Variants in WWOX observed in about 807,000 individuals in gnomAD.
The protein encoded by WWOX is WW domain-containing oxidoreductase.
WWOX carries 69 observed loss-of-function variants against 46.2 expected under a neutral mutation model. That is an observed-to-expected ratio of 1.49 (90% CI 1.23 to 1.82). WWOX has a LOEUF of 1.82. Ranked by LOEUF, WWOX falls within the 40% of genes most tolerant of loss-of-function variation. The pLI, the probability that WWOX is intolerant of heterozygous loss-of-function variation, is 0.00. For synonymous variants in WWOX, 359 were observed against 202.6 expected (o/e 1.77, Z -6.56); for missense variants, 919 against 542.6 (o/e 1.69, Z -6.89).
At chr16:78,490,393 G>A (rs943950860) in intron 8 of WWOX, among the ~76,000 whole-genome samples, 2 of 152,184 alleles carry the variant, frequency 1.3e-5, no homozygotes, top group African/African-American at 4.8e-5. Context: ...TGTTTATGCA[G>A]TTACCTTTGT....
At chr16:78,141,993 C>CTT (rs34178361) in intron 4 of WWOX, among the ~76,000 whole-genome samples, 3 of 145,940 alleles carry the variant, frequency 2.1e-5, no homozygotes, top group Non-Finnish European at 4.5e-5. Flanking sequence ...TTTTAAATTT[C>CTT]TTTTTTTTTT....
At chr16:79,131,929 C>G (rs1486044080) in intron 8 of WWOX, among the ~76,000 whole-genome samples, 1 of 152,046 alleles carries the variant, frequency 6.6e-6, no homozygotes, top group Non-Finnish European at 1.5e-5. Flanking sequence ...TCAGGGAAAC[C>G]CCTGTTTTTA....
chr16:78,997,795 C>T (rs1412009880), intron 8 of WWOX, among the ~76,000 whole-genome samples: 2 of 152,094 alleles, frequency 1.3e-5, no homozygotes. Flanking sequence ...GGATGGGGAC[C>T]GGAATAGATT....
chr16:78,753,413 G>C (rs117513730), intron 8 of WWOX, among the ~76,000 whole-genome samples: 1 of 152,092 alleles, frequency 6.6e-6, no homozygotes, highest in Non-Finnish European at 1.5e-5. Flanking sequence ...ATTGGGGTTG[G>C]GAGGACCAGT....
chr16:78,464,870 C>T (rs2084037069), intron 8 of WWOX, among the ~76,000 whole-genome samples: 1 of 152,290 alleles, frequency 6.6e-6, no homozygotes, highest in Admixed American at 6.5e-5. Flanking sequence ...CATTCCCATA[C>T]TTCTGTGAAG....
At chr16:78,545,429 G>T (rs192090730) in intron 8 of WWOX, among the ~76,000 whole-genome samples, 41 of 152,206 alleles carry the variant, frequency 2.7e-4, no homozygotes, top group Admixed American at 2.6e-4. Flanking sequence ...TGTTGCCCAG[G>T]TTGGCCTCAA....
intron 8 of WWOX, among the ~76,000 whole-genome samples, chr16:79,128,379 C>CAA (rs1186365326): frequency 6.7e-6 from 1 of 148,624 alleles, no homozygotes; most frequent in Non-Finnish European, 1.5e-5. Flanking sequence ...AAACAAAAAA[C>CAA]AAAAAACAAA....
intron 5 of WWOX, among the ~76,000 whole-genome samples, chr16:78,180,510 C>T (rs540718405): frequency 6.6e-6 from 1 of 151,756 alleles, no homozygotes; most frequent in Non-Finnish European, 1.5e-5. Flanking sequence ...TGGGCAAATC[C>T]AGCTGCACAG....
At chr16:79,205,185 G>A (rs1031876176) in intron 8 of WWOX, 3 of 152,256 alleles carry the variant, frequency 2.0e-5, no homozygotes, top group African/African-American at 7.2e-5. Context: ...TTTCTCTCAA[G>A]GTGTCCCTTG....
In WWOX at chr16:78,710,474, A is replaced by ATATATATATATATATATATATATATT. The variant is rs1567507505; in HGVS notation, c.1056+277729_1056+277754dup. On this transcript the variant is annotated intron_variant, in intron 8 of 8. Transcript: ENST00000566780. ...GATGCAATTAAAGCTAATGGATCTC[A>ATATATATATATATATATATATATATT]TATATATATATATATATATATATAT... Among the ~76,000 whole-genome samples, 5 of 50,326 alleles carry ATATATATATATATATATATATATATT rather than the reference A, an allele frequency of 9.9e-5. No homozygotes were observed. In the East Asian group the frequency reaches 2.2e-3, roughly 22 times the overall value. 33.0% of individuals were successfully genotyped at this position (50,326 alleles called of 152,430 possible). A position where few individuals can be genotyped will look rare whatever the true frequency, so the allele number is the denominator to read the frequency against.
chr16:78,727,115 C>A (rs1245549109), intron 8 of WWOX, among the ~76,000 whole-genome samples: 1 of 152,232 alleles, frequency 6.6e-6, no homozygotes, highest in East Asian at 1.9e-4. Flanking sequence ...AAAATGAGGC[C>A]CAGTGGGGCA....
chr16:78,548,906 AAAG>A (rs541046434), intron 8 of WWOX, among the ~76,000 whole-genome samples: 1,536 of 152,292 alleles, frequency 0.01, 25 homozygotes, highest in Middle Eastern at 0.041. Context: ...TAGTTTTTGT[AAAG>A]AAGGTTTCTA....
intron 8 of WWOX, among the ~76,000 whole-genome samples, chr16:78,631,428 G>T (rs2046427262): frequency 6.6e-6 from 1 of 152,060 alleles, no homozygotes; most frequent in South Asian, 2.1e-4. Context: ...AACTGCGGAA[G>T]AATTAGGACA....
chr16:79,143,099 C>G (rs963117826), intron 8 of WWOX, among the ~76,000 whole-genome samples: 1 of 152,040 alleles, frequency 6.6e-6, no homozygotes, highest in African/African-American at 2.4e-5. Flanking sequence ...AAGTATTTGG[C>G]TTTGAAAAAA....
chr16:78,734,793 T>C (rs182832085), intron 8 of WWOX, among the ~76,000 whole-genome samples: 1 of 143,606 alleles, frequency 7.0e-6, no homozygotes, highest in African/African-American at 2.5e-5. Context: ...CTGACCCTAC[T>C]TCAAAGAGAA....
chr16:78,572,630 T>C (rs1205735163), intron 8 of WWOX, among the ~76,000 whole-genome samples: 1 of 133,962 alleles, frequency 7.5e-6, no homozygotes, highest in Non-Finnish European at 1.6e-5. Flanking sequence ...AAAAAAAGCA[T>C]TTACATAGGA....
chr16:79,212,244 A>C lies in WWOX; in HGVS notation c.*448A>C. 1 of 1,341,306 alleles carries C rather than the reference A, an allele frequency of 7.5e-7. No individual in the cohort carries two copies. Among genetic ancestry groups the C allele is most frequent in the Non-Finnish European group, 9.9e-7 (1 of 1,015,018 alleles). The allele number at this position is 1,341,306 out of a possible 1,614,324, so 83.1% of individuals were successfully genotyped here. A position where few individuals can be genotyped will look rare whatever the true frequency, so the allele number is the denominator to read the frequency against. Reference sequence around the variant, plus strand: ...GTGTTCACTGCTCCTTGCTGCATTGATCCAGGAGATAATTGTTTCATTCAT... The same window carrying C: ...GTGTTCACTGCTCCTTGCTGCATTGCTCCAGGAGATAATTGTTTCATTCAT... On this transcript the variant is annotated 3_prime_UTR_variant, in exon 9 of 9. Transcript: ENST00000566780.
intron 5 of WWOX, among the ~76,000 whole-genome samples, chr16:78,296,713 A>G (rs1309623195): frequency 6.6e-6 from 1 of 152,160 alleles, no homozygotes; most frequent in Non-Finnish European, 1.5e-5. Flanking sequence ...TCCAAATGGT[A>G]GCAGGGAGCT....
intron 8 of WWOX, among the ~76,000 whole-genome samples, chr16:78,534,798 C>T (rs932506939): frequency 6.6e-6 from 1 of 152,034 alleles, no homozygotes; most frequent in Non-Finnish European, 1.5e-5. Flanking sequence ...CAACCTCCAC[C>T]TCCCGGGTTC....
Sources: gnomAD v4.1 joint callset for allele counts (sites outside exome capture counted in the v4.1 genomes callset) on GRCh38, gnomAD v4.1.1 for gene constraint, MANE v1.5 for transcripts, NCBI Gene and HGNC (gene_info 2026-07-23, HGNC 2026-07-21) for gene names.